NAALADL2: variants seen among roughly 807,000 people sequenced by gnomAD.
The protein encoded by NAALADL2 is inactive N-acetylated-alpha-linked acidic dipeptidase-like protein 2.
A neutral mutation model predicts 87.2 loss-of-function variants in NAALADL2; 76 were observed. That is an observed-to-expected ratio of 0.87 (90% CI 0.72 to 1.05). The LOEUF (loss-of-function observed/expected upper bound fraction) is 1.05, where lower values mean the gene tolerates loss of function less well. Ranked by LOEUF, NAALADL2 falls within the 50% of genes least tolerant of loss-of-function variation. The pLI is 0.00. For synonymous variants in NAALADL2, 354 were observed against 331.0 expected (o/e 1.07, Z -0.75); for missense variants, 1,089 against 945.8 (o/e 1.15, Z -1.99).
chr3:175,519,014 T>C (rs1248121238), intron 9 of NAALADL2, among the ~76,000 whole-genome samples: 3 of 152,214 alleles, frequency 2.0e-5, no homozygotes, highest in Non-Finnish European at 4.4e-5. Context: ...TTGAACAAAA[T>C]GGCTGTGATC....
intron 3 of NAALADL2, among the ~76,000 whole-genome samples, chr3:174,832,117 G>T (rs967088884): frequency 2.0e-5 from 3 of 151,868 alleles, no homozygotes; most frequent in African/African-American, 7.3e-5. Context: ...CTTCAGTTCT[G>T]CTCTGATTTT....
intron 11 of NAALADL2, among the ~76,000 whole-genome samples, chr3:175,701,514 T>C (rs1738996100): frequency 6.6e-6 from 1 of 152,116 alleles, no homozygotes; most frequent in South Asian, 2.1e-4. Context: ...CAAACACGTA[T>C]TTACCAAAAA....
At chr3:174,844,174 A>G (rs1390060015) in intron 3 of NAALADL2, among the ~76,000 whole-genome samples, 1 of 152,114 alleles carries the variant, frequency 6.6e-6, no homozygotes, top group East Asian at 1.9e-4. Context: ...TATGTAAACT[A>G]TTTTTAGTTT....
At chr3:174,511,794 G>A (rs1719614697) in intron 1 of NAALADL2, among the ~76,000 whole-genome samples, 1 of 150,536 alleles carries the variant, frequency 6.6e-6, no homozygotes, top group Non-Finnish European at 1.5e-5. Context: ...GTTTCCACTC[G>A]TCTCAGCATG....
chr3:175,061,160 TA>T (rs141266731), intron 1 of NAALADL2, among the ~76,000 whole-genome samples: 3,112 of 152,238 alleles, frequency 0.02, 48 homozygotes, highest in Non-Finnish European at 0.03. Flanking sequence ...ATGAGATATT[TA>T]AGAAAAGAGT....
chr3:175,361,541 T>C (rs1765007951), intron 5 of NAALADL2, among the ~76,000 whole-genome samples: 1 of 148,326 alleles, frequency 6.7e-6, no homozygotes, highest in Non-Finnish European at 1.5e-5. Flanking sequence ...GTTTCCTGAC[T>C]TATTAATGAT....
chr3:174,994,699 TAGAATTTCTTCTATAA>T (rs560405227), intron 1 of NAALADL2, among the ~76,000 whole-genome samples: 1 of 152,294 alleles, frequency 6.6e-6, no homozygotes, highest in East Asian at 1.9e-4. Context: ...ACCAGTTAAC[TAGAATTTCTTCTATAA>T]AGAAGAAAAT....
chr3:174,894,146 A>G (rs183036094), intron 1 of NAALADL2, among the ~76,000 whole-genome samples: 1 of 152,276 alleles, frequency 6.6e-6, no homozygotes, highest in Non-Finnish European at 1.5e-5. Context: ...CAGCAAGATG[A>G]TACAACAATT....
At chr3:175,071,379 A>C (rs1176485418) in intron 1 of NAALADL2, among the ~76,000 whole-genome samples, 2 of 152,104 alleles carry the variant, frequency 1.3e-5, no homozygotes, top group Non-Finnish European at 1.5e-5. Flanking sequence ...AGGCTACTTT[A>C]CAAAGTTGTC....
At chr3:174,963,099 G>A (rs191769025) in intron 1 of NAALADL2, among the ~76,000 whole-genome samples, 92 of 152,152 alleles carry the variant, frequency 6.0e-4, no homozygotes, top group African/African-American at 2.2e-3. Context: ...TGCAGGGCCT[G>A]CAGATATGGG....
intron 13 of NAALADL2, among the ~76,000 whole-genome samples, chr3:175,796,844 A>G (rs949632787): frequency 1.3e-5 from 2 of 152,132 alleles, no homozygotes; most frequent in Non-Finnish European, 2.9e-5. Context: ...ATAAGAAGGA[A>G]CATTTGAAAA....
intron 5 of NAALADL2, among the ~76,000 whole-genome samples, chr3:175,402,532 C>G (rs1711514727): frequency 6.6e-6 from 1 of 152,008 alleles, no homozygotes; most frequent in Non-Finnish European, 1.5e-5. Flanking sequence ...TTGCTTACCT[C>G]CAGCCTCATC....
chr3:175,656,124 T>C (rs997572070), intron 11 of NAALADL2, among the ~76,000 whole-genome samples: 1 of 152,214 alleles, frequency 6.6e-6, no homozygotes, highest in South Asian at 2.1e-4. Flanking sequence ...TAGTATACTA[T>C]TAACCATGCA....
At chr3:175,658,543 CA>C (rs1315323725) in intron 11 of NAALADL2, among the ~76,000 whole-genome samples, 1 of 151,838 alleles carries the variant, frequency 6.6e-6, no homozygotes, top group African/African-American at 2.4e-5. Flanking sequence ...AAATATGCAA[CA>C]GGGTAGAAAT....
intron 1 of NAALADL2, among the ~76,000 whole-genome samples, chr3:174,904,573 T>A: frequency 7.8e-6 from 1 of 128,552 alleles, no homozygotes; most frequent in Non-Finnish European, 1.6e-5. Context: ...AAGAACATAC[T>A]AACAATCAAA....
intron 1 of NAALADL2, among the ~76,000 whole-genome samples, chr3:174,446,890 G>A (rs1171293672): frequency 6.6e-6 from 1 of 152,120 alleles, no homozygotes; most frequent in African/African-American, 2.4e-5. Context: ...TTCTTGGATG[G>A]AGGGATCTGA....
intron 3 of NAALADL2, among the ~76,000 whole-genome samples, chr3:174,834,272 G>T (rs890260683): frequency 2.0e-5 from 3 of 146,510 alleles, no homozygotes; most frequent in Admixed American, 1.4e-4. Flanking sequence ...TTATCATATT[G>T]AATATCACAC....
Position 174,615,541 on chromosome 3 carries a change from T to A in NAALADL2, c.-115+64904T>A, listed in dbSNP as rs151039116. On this transcript the variant is annotated intron_variant, in intron 2 of 3. Coordinates refer to the NAALADL2 transcript ENST00000434257. Reference sequence around the variant, plus strand: ...CTTGGTGTATTAAGGAAGATTTTTTTAAACCTTCTTCTAATAAGCCTGAGG... The same window carrying A: ...CTTGGTGTATTAAGGAAGATTTTTTAAAACCTTCTTCTAATAAGCCTGAGG... 2.5e-3 allele frequency among the ~76,000 whole-genome samples: 381 copies of A among 152,332 alleles called. 2 individuals are homozygous for A. Among genetic ancestry groups the A allele is most frequent in the African/African-American group, 8.7e-3 (361 of 41,582 alleles).
chr3:174,727,102 A>G (rs1008889627), intron 2 of NAALADL2, among the ~76,000 whole-genome samples: 2 of 151,996 alleles, frequency 1.3e-5, no homozygotes, highest in East Asian at 3.9e-4. Context: ...TTTTATTTGA[A>G]TATTTCTTTG....
Sources: allele counts gnomAD v4.1 joint callset (sites outside exome capture counted in the v4.1 genomes callset), GRCh38; gene constraint gnomAD v4.1.1; transcripts MANE v1.5; gene names NCBI Gene and HGNC (gene_info 2026-07-23, HGNC 2026-07-21).